IL3RA: variants seen among roughly 807,000 people sequenced by gnomAD.
IL3RA encodes the protein interleukin 3 receptor subunit alpha.
A neutral mutation model predicts 52.3 loss-of-function variants in IL3RA; 73 were observed. That is an observed-to-expected ratio of 1.40 (90% CI 1.16 to 1.70). The LOEUF (loss-of-function observed/expected upper bound fraction) is 1.70. Ranked by LOEUF, IL3RA falls within the 40% of genes most tolerant of loss-of-function variation. The pLI, the probability that IL3RA is intolerant of heterozygous loss-of-function variation, is 0.00. For missense variants in IL3RA, 664 were observed against 504.4 expected (o/e 1.32, Z -3.03); for synonymous variants, 260 against 194.0 (o/e 1.34, Z -2.83).
At chrX:1,352,644 G>A (rs2086158641) in intron 6 of IL3RA, 138 bp downstream of exon 6, 1 of 938,148 alleles carries the variant, frequency 1.1e-6, no homozygotes, top group East Asian at 2.6e-5. Context: ...GACGTTGGAG[G>A]TCAGCGTGCT....
intron 3 of IL3RA, among the ~76,000 whole-genome samples, chrX:1,346,891 C>G (rs1185974975): frequency 1.3e-5 from 2 of 151,224 alleles, no homozygotes; most frequent in South Asian, 4.2e-4. Flanking sequence ...TGCGTCTGCT[C>G]GGGCCACCAT....
At chrX:1,381,899 G>A (rs1194572833) in intron 11 of IL3RA, among the ~76,000 whole-genome samples, 3 of 151,774 alleles carry the variant, frequency 2.0e-5, no homozygotes, top group Admixed American at 2.0e-4. Flanking sequence ...AAGGGCAGAG[G>A]AAAAGGAGGC....
chrX:1,341,821 CGAAG>C lies in IL3RA; in HGVS notation c.62_64+1del. ...ATCGCCCTGCCCTGTCTCCTGCAAA[CGAAG>C]GAAGGTAAGAACTGGAGAAAAAATG... On this transcript the variant is annotated frameshift_variant, in exon 2 of 12. Coordinates refer to ENST00000331035, the MANE Select transcript of IL3RA (RefSeq NM_002183.4). LOFTEE classifies it high-confidence loss of function. The C allele has an allele frequency of 1.2e-6, 2 of 1,613,876 alleles. No individual in the cohort carries two copies. Among genetic ancestry groups the C allele is most frequent in the Non-Finnish European group, 1.7e-6 (2 of 1,179,846 alleles).
At position 1,381,218 on chromosome X, in the gene IL3RA, G is replaced by T. The variant is rs779262012; in HGVS notation, c.1062+114G>T. On this transcript the variant is annotated intron_variant, in intron 11 of 11. Transcript: ENST00000331035. ...ACTGGAGACCAGCCTGGCCAACATG[G>T]AGAAACTCCGTGTCTACTAAAAATA... 123 of 870,346 alleles carry T rather than the reference G, an allele frequency of 1.4e-4. No individual in the cohort carries two copies. In the South Asian group the frequency reaches 1.7e-3, roughly 12 times the overall value. The allele number at this position is 870,346 out of a possible 1,614,324, so 53.9% of individuals were successfully genotyped here.
intron 4 of IL3RA, among the ~76,000 whole-genome samples, chrX:1,350,698 G>C (rs774095205): frequency 1.3e-5 from 2 of 148,784 alleles, no homozygotes; most frequent in Admixed American, 1.4e-4. Context: ...TCAGGAGATC[G>C]AGACCATCCC....
At position 1,345,560 on chromosome X, in the gene IL3RA, G is replaced by A. The variant is rs369720638; in HGVS notation, c.183+126G>A. 222 of 539,372 alleles carry A rather than the reference G, an allele frequency of 4.1e-4. 4 individuals are homozygous for A. Among genetic ancestry groups the A allele is most frequent in the African/African-American group, 3.2e-3 (160 of 50,014 alleles). The allele number at this position is 539,372 out of a possible 1,614,324, so 33.4% of individuals were successfully genotyped here. A position where few individuals can be genotyped will look rare whatever the true frequency, so the allele number is the denominator to read the frequency against. ...GCTGGACTGCGGTGACCCGATCTCC[G>A]CTCTCTGCAACCTCCACCTCCCAGG... is the stretch of plus-strand genomic sequence containing the variant. On this transcript the variant is annotated intron_variant, in intron 3 of 11. Transcript: ENST00000331035.
chrX:1,337,823 A>G (rs1465021557), intron 1 of IL3RA, among the ~76,000 whole-genome samples: 1 of 151,202 alleles, frequency 6.6e-6, no homozygotes, highest in Non-Finnish European at 1.5e-5. Flanking sequence ...AGCCATGAAA[A>G]GGAACAAGCA....
intron 10 of IL3RA, among the ~76,000 whole-genome samples, chrX:1,379,776 A>G (rs2089048143): frequency 6.6e-6 from 1 of 151,920 alleles, no homozygotes; most frequent in Non-Finnish European, 1.5e-5. Flanking sequence ...CCTTTTTTTT[A>G]GAGAAGGAGT....
intron 10 of IL3RA, among the ~76,000 whole-genome samples, chrX:1,380,179 C>T (rs1264476298): frequency 6.6e-5 from 10 of 151,428 alleles, no homozygotes; most frequent in African/African-American, 2.4e-4. Context: ...CAGGCGTGTG[C>T]CACCATGCCC....
intron 6 of IL3RA, among the ~76,000 whole-genome samples, chrX:1,354,585 G>A (rs1245016912): frequency 8.6e-6 from 1 of 116,268 alleles, no homozygotes; most frequent in Non-Finnish European, 1.8e-5. Flanking sequence ...AGAAGAAAAC[G>A]GAGAAAGAGG....
At chrX:1,365,073 T>A in intron 8 of IL3RA, 65 bp from the exon 9 acceptor site, 1 of 1,207,006 alleles carries the variant, frequency 8.3e-7, no homozygotes, top group Non-Finnish European at 1.2e-6. Flanking sequence ...CCTCCCTAAG[T>A]GCCCAGGTGA....
At chrX:1,359,901 ATC>A (rs2087062361) in intron 8 of IL3RA, among the ~76,000 whole-genome samples, 2 of 68,756 alleles carry the variant, frequency 2.9e-5, no homozygotes, top group East Asian at 3.8e-4. Context: ...TTCTCCCTCC[ATC>A]TCTCTGTCTC....
chrX:1,355,795 A>G (rs2086661652), intron 6 of IL3RA, among the ~76,000 whole-genome samples: 1 of 151,432 alleles, frequency 6.6e-6, no homozygotes, highest in South Asian at 2.1e-4. Flanking sequence ...GCAGGTGGGC[A>G]GAGGGGGCAT....
chrX:1,349,389 T>C (rs1390699847), intron 4 of IL3RA, among the ~76,000 whole-genome samples: 3 of 151,686 alleles, frequency 2.0e-5, no homozygotes, highest in African/African-American at 7.3e-5. Flanking sequence ...ACCATGTTGG[T>C]CAGGCTGGTC....
chrX:1,340,316 A>G (rs2085443985), intron 1 of IL3RA, among the ~76,000 whole-genome samples: 1 of 151,916 alleles, frequency 6.6e-6, no homozygotes, highest in Non-Finnish European at 1.5e-5. Flanking sequence ...GGGTTTCACC[A>G]TGTTAGCCAG....
At chrX:1,344,961 G>A (rs185698164) in intron 2 of IL3RA, among the ~76,000 whole-genome samples, 2 of 146,986 alleles carry the variant, frequency 1.4e-5, no homozygotes, top group East Asian at 4.1e-4. Context: ...AGGAGATCGA[G>A]ACCATCCTGG....
chrX:1,343,995 C>T lies in IL3RA; in HGVS notation c.65-1321C>T, dbSNP rs184598630. Among the ~76,000 whole-genome samples, 1,022 of 151,908 alleles carry T rather than the reference C, an allele frequency of 6.7e-3. 10 individuals are homozygous for T. The highest frequency in any genetic ancestry group is 0.022 in the African/African-American group (903 of 41,490). On this transcript the variant is annotated intron_variant, in intron 2 of 11. Transcript: ENST00000331035. ...ATTTTTAGTCGCGACGGGGTTTCACCGTGTTAGCCAGGATGGTCTTGATCA... is the reference window on the plus strand; with the variant it reads ...ATTTTTAGTCGCGACGGGGTTTCACTGTGTTAGCCAGGATGGTCTTGATCA...
At chrX:1,359,835 T>A (rs1199452824) in intron 8 of IL3RA, among the ~76,000 whole-genome samples, 1 of 149,270 alleles carries the variant, frequency 6.7e-6, no homozygotes, top group African/African-American at 2.5e-5. Flanking sequence ...TCTCCTGGTC[T>A]CTGTCTCCCC....
intron 4 of IL3RA, among the ~76,000 whole-genome samples, chrX:1,349,624 T>G (rs2085989794): frequency 6.6e-6 from 1 of 151,750 alleles, no homozygotes; most frequent in African/African-American, 2.4e-5. Flanking sequence ...TTCTTTGTTT[T>G]TTAATTAATT....
Sources: allele counts gnomAD v4.1 joint callset (sites outside exome capture counted in the v4.1 genomes callset), GRCh38; gene constraint gnomAD v4.1.1; transcripts MANE v1.5; gene names NCBI Gene and HGNC (gene_info 2026-07-23, HGNC 2026-07-21).